MLLT10: variants seen among roughly 807,000 people sequenced by gnomAD.
MLLT10 encodes the protein protein AF-10.
A neutral mutation model predicts 129.1 loss-of-function variants in MLLT10; 30 were observed. The observed-to-expected ratio is 0.23, with a 90% CI of 0.17 to 0.32. The LOEUF is 0.32. Among genes scored for constraint, MLLT10 ranks in the 10% least tolerant of loss-of-function variants. The pLI is 1.00. For synonymous variants in MLLT10, 490 were observed against 446.4 expected (o/e 1.10, Z -1.23); for missense variants, 1,119 against 1,268.3 (o/e 0.88, Z 1.79).
intron 3 of MLLT10, among the ~76,000 whole-genome samples, chr10:21,562,822 T>TG (rs2039020011): frequency 7.6e-6 from 1 of 132,020 alleles, no homozygotes; most frequent in South Asian, 2.4e-4. Context: ...TTTTTTGTTT[T>TG]TTTTTTTTTT....
intron 22 of MLLT10, 150 bp downstream of exon 22, chr10:21,740,386 A>G: frequency 1.2e-6 from 1 of 811,142 alleles, no homozygotes; most frequent in Non-Finnish European, 1.9e-6. Flanking sequence ...CAAAGGATCT[A>G]AGCCAATTTA....
At chr10:21,619,558 T>C (rs2096302854) in intron 8 of MLLT10, among the ~76,000 whole-genome samples, 2 of 152,232 alleles carry the variant, frequency 1.3e-5, no homozygotes, top group Non-Finnish European at 2.9e-5. Context: ...GAGTGGATGC[T>C]AGATTAAAAA....
At chr10:21,683,176 C>T (rs2052921968) in intron 13 of MLLT10, among the ~76,000 whole-genome samples, 1 of 152,158 alleles carries the variant, frequency 6.6e-6, no homozygotes, top group African/African-American at 2.4e-5. Context: ...AATGAGCAGG[C>T]ATAGACACTC....
intron 13 of MLLT10, among the ~76,000 whole-genome samples, chr10:21,711,096 G>A (rs1458649050): frequency 1.3e-5 from 2 of 151,990 alleles, no homozygotes; most frequent in Admixed American, 1.3e-4. Context: ...TCCTCAAACC[G>A]TCCTTCACCT....
chr10:21,676,211 C>T (rs974369835), intron 11 of MLLT10, among the ~76,000 whole-genome samples: 2 of 151,650 alleles, frequency 1.3e-5, no homozygotes, highest in East Asian at 3.9e-4. Context: ...GGGTGGATCA[C>T]GAGGTCAGGA....
chr10:21,680,704 G>A (rs906057541), intron 11 of MLLT10, among the ~76,000 whole-genome samples: 1 of 152,078 alleles, frequency 6.6e-6, no homozygotes, highest in Non-Finnish European at 1.5e-5. Context: ...TAGCGTGGTG[G>A]CTCACGTCGG....
intron 3 of MLLT10, among the ~76,000 whole-genome samples, chr10:21,547,183 A>G (rs1006030002): frequency 2.0e-5 from 3 of 151,196 alleles, no homozygotes; most frequent in Non-Finnish European, 4.4e-5. Flanking sequence ...TCATTCTTTT[A>G]TTTTTTTTAA....
At chr10:21,624,688 C>CT in intron 8 of MLLT10, 1 of 1,404,614 alleles carries the variant, frequency 7.1e-7, no homozygotes. Context: ...GAAGCGGCTG[C>CT]TGAGCGATGG....
chr10:21,626,431 C>A, intron 8 of MLLT10: 1 of 606,388 alleles, frequency 1.6e-6, no homozygotes, highest in Non-Finnish European at 2.9e-6. Context: ...GAAGCAGGTA[C>A]GTGTGCAGAA....
At chr10:21,563,220 G>A (rs2039085772) in intron 3 of MLLT10, among the ~76,000 whole-genome samples, 1 of 152,048 alleles carries the variant, frequency 6.6e-6, no homozygotes, top group South Asian at 2.1e-4. Flanking sequence ...TAAATGGGAT[G>A]ATAGAACTTG....
chr10:21,716,996 C>G (rs548185191), intron 14 of MLLT10, among the ~76,000 whole-genome samples: 48 of 152,018 alleles, frequency 3.2e-4, no homozygotes, highest in African/African-American at 1.1e-3. Flanking sequence ...GTGGCTCACA[C>G]CTGTAATCCC....
intron 2 of MLLT10, among the ~76,000 whole-genome samples, chr10:21,535,075 G>GGGGCGGGGCA (rs1441079591): frequency 1.3e-5 from 2 of 148,506 alleles, no homozygotes; most frequent in Admixed American, 6.7e-5. Context: ...TCGGCGGGGC[G>GGGGCGGGGCA]GGGCGGGGCA....
In MLLT10 at chr10:21,564,669, C is replaced by G. The variant is rs1422156546; in HGVS notation, c.241-21625C>G. ...TCTCCCCATCTCTACTAAAAAAATACAAAAGTTAGCCGGGCATGGTGGCAC... is the reference window on the plus strand; with the variant it reads ...TCTCCCCATCTCTACTAAAAAAATAGAAAAGTTAGCCGGGCATGGTGGCAC... On this transcript the variant is annotated intron_variant, in intron 3 of 22. Transcript: ENST00000307729. The G allele has an allele frequency of 4.0e-5, 6 of 151,526 alleles. No individual in the cohort carries two copies. In the East Asian group the frequency reaches 1.2e-3, roughly 29 times the overall value. 9.4% of individuals were successfully genotyped at this position (151,526 alleles called of 1,614,324 possible).
chr10:21,658,809 G>A (rs533925707), intron 9 of MLLT10, among the ~76,000 whole-genome samples: 64 of 152,078 alleles, frequency 4.2e-4, no homozygotes, highest in Admixed American at 1.2e-3. Flanking sequence ...GACTACAGGC[G>A]CCTACCACCA....
chr10:21,642,358 C>G (rs12761556), intron 8 of MLLT10, among the ~76,000 whole-genome samples: 17 of 142,872 alleles, frequency 1.2e-4, no homozygotes, highest in Non-Finnish European at 2.3e-4. Flanking sequence ...GTTTAAAAAA[C>G]AAAAATACGA....
intron 3 of MLLT10, chr10:21,556,809 C>T (rs1055472420): frequency 6.4e-7 from 1 of 1,570,242 alleles, no homozygotes; most frequent in Non-Finnish European, 8.6e-7. Context: ...ACTACAGCAG[C>T]TTTCTTCGGT....
chr10:21,588,094 C>A (rs1426715373), intron 4 of MLLT10, among the ~76,000 whole-genome samples: 1 of 151,884 alleles, frequency 6.6e-6, no homozygotes, highest in Admixed American at 6.6e-5. Context: ...TTTTTTGAAG[C>A]TTCGCTCATT....
At chr10:21,656,535 C>T (rs1187201983) in intron 9 of MLLT10, among the ~76,000 whole-genome samples, 3 of 152,024 alleles carry the variant, frequency 2.0e-5, no homozygotes, top group South Asian at 2.1e-4. Context: ...TAAAAAATTC[C>T]GTTTCATTTA....
rs1159442587 is a variant in MLLT10 at position 21,534,318 on chromosome 10, C to CCT, written c.-202_-201insTC. On this transcript the variant is annotated 5_prime_UTR_variant, in exon 1 of 23. Transcript: ENST00000307729. ...TGGCCCAGCGGGAGCCCCCCCTCCC[C>CCT]CCAGTGCGCCTGTGCGGAGGCCCTC... The CCT allele has an allele frequency of 5.1e-6, 2 of 395,328 alleles. No homozygotes were observed. The highest frequency in any genetic ancestry group is 4.1e-5 in the African/African-American group (2 of 48,440). 24.5% of individuals were successfully genotyped at this position (395,328 alleles called of 1,614,324 possible). A position where few individuals can be genotyped will look rare whatever the true frequency, so the allele number is the denominator to read the frequency against.
Sources: gnomAD v4.1 joint callset for allele counts (sites outside exome capture counted in the v4.1 genomes callset) on GRCh38, gnomAD v4.1.1 for gene constraint, MANE v1.5 for transcripts, NCBI Gene and HGNC (gene_info 2026-07-23, HGNC 2026-07-21) for gene names.